HIVEP3: variants seen among roughly 807,000 people sequenced by gnomAD.
The protein encoded by HIVEP3 is transcription factor HIVEP3.
A neutral mutation model predicts 152.8 loss-of-function variants in HIVEP3; 49 were observed. The ratio of observed to expected loss-of-function variants is 0.32; its 90% CI spans 0.26 to 0.41. The LOEUF is 0.41. HIVEP3 is among the 10% of genes least tolerant of loss of function. The pLI is 1.00. For synonymous variants in HIVEP3, 1,269 were observed against 1,289.0 expected (o/e 0.98, Z 0.33); for missense variants, 2,790 against 3,103.3 (o/e 0.90, Z 2.40).
chr1:41,658,452 A>G lies in HIVEP3; in HGVS notation c.-720-29505T>C, dbSNP rs149920575. On this transcript the variant is annotated intron_variant, in intron 2 of 8. Coordinates refer to ENST00000372583, the MANE Select transcript of HIVEP3 (RefSeq NM_024503.5). ...CCTGGGCTGGGAAGACTAGGGACAC[A>G]GAAGCAGACAAAAAAAAGTCATGAT... Among the ~76,000 whole-genome samples the G allele has an allele frequency of 2.6e-5, 4 of 152,320 alleles. No individual in the cohort carries two copies. In the East Asian group the frequency reaches 7.7e-4, roughly 29 times the overall value.
At chr1:41,560,156 AC>A (rs1644036475) in intron 5 of HIVEP3, among the ~76,000 whole-genome samples, 1 of 152,272 alleles carries the variant, frequency 6.6e-6, no homozygotes, top group Admixed American at 6.5e-5. Flanking sequence ...TCAACTTTCT[AC>A]ATGCCAAGTA....
intron 1 of HIVEP3, among the ~76,000 whole-genome samples, chr1:41,717,072 G>A (rs1000896573): frequency 2.0e-5 from 3 of 152,170 alleles, no homozygotes; most frequent in Non-Finnish European, 4.4e-5. Context: ...CTGAGGGCAC[G>A]CAGTTGTGAC....
chr1:41,995,197 G>T (rs957579310), intron 1 of HIVEP3, among the ~76,000 whole-genome samples: 4 of 151,830 alleles, frequency 2.6e-5, no homozygotes, highest in Non-Finnish European at 5.9e-5. Context: ...CTAAGTGGAA[G>T]AAACCCACTC....
At chr1:41,981,605 A>G (rs1420932867) in intron 1 of HIVEP3, among the ~76,000 whole-genome samples, 2 of 152,178 alleles carry the variant, frequency 1.3e-5, no homozygotes, top group African/African-American at 4.8e-5. Context: ...TCCAAGGTAA[A>G]GTGGAGATTT....
chr1:41,915,954 A>G (rs1644864571), intron 1 of HIVEP3, among the ~76,000 whole-genome samples: 1 of 152,054 alleles, frequency 6.6e-6, no homozygotes, highest in African/African-American at 2.4e-5. Context: ...CATGTCAGGG[A>G]CTCCTTGATG....
At chr1:41,865,176 A>C (rs1352217715) in intron 1 of HIVEP3, among the ~76,000 whole-genome samples, 1 of 152,164 alleles carries the variant, frequency 6.6e-6, no homozygotes, top group Non-Finnish European at 1.5e-5. Flanking sequence ...GCCCTTCCTC[A>C]TATCATCGTT....
intron 1 of HIVEP3, among the ~76,000 whole-genome samples, chr1:41,928,060 C>CAA (rs10660316): frequency 0.41 from 35,334 of 86,178 alleles, 8,196 homozygotes; most frequent in East Asian, 0.64. Flanking sequence ...GACTCCATCT[C>CAA]AAAAAAAAAA....
chr1:41,593,978 C>G (rs1332964525), intron 3 of HIVEP3, among the ~76,000 whole-genome samples: 1 of 152,184 alleles, frequency 6.6e-6, no homozygotes, highest in Non-Finnish European at 1.5e-5. Context: ...TAACAGCCAG[C>G]CGCATCTTTC....
chr1:41,886,763 CT>C (rs1644354913), intron 1 of HIVEP3, among the ~76,000 whole-genome samples: 1 of 133,616 alleles, frequency 7.5e-6, no homozygotes, highest in Non-Finnish European at 1.6e-5. Flanking sequence ...GAAAAAAGAA[CT>C]ATACAGAGCC....
chr1:41,831,122 T>C (rs961168844), intron 1 of HIVEP3, among the ~76,000 whole-genome samples: 2 of 152,246 alleles, frequency 1.3e-5, no homozygotes, highest in African/African-American at 4.8e-5. Context: ...AATACCTTGC[T>C]ATACTGCTCA....
intron 1 of HIVEP3, among the ~76,000 whole-genome samples, chr1:41,814,967 T>C (rs1357840116): frequency 6.6e-6 from 1 of 152,188 alleles, no homozygotes; most frequent in Non-Finnish European, 1.5e-5. Context: ...TCAGGACAGA[T>C]AAGGTTCCTG....
intron 2 of HIVEP3, among the ~76,000 whole-genome samples, chr1:41,649,489 T>C (rs1158770591): frequency 6.6e-6 from 1 of 152,258 alleles, no homozygotes; most frequent in Non-Finnish European, 1.5e-5. Flanking sequence ...CACGAATCCT[T>C]GAACATCTGT....
At chr1:41,979,808 G>T (rs546987200) in intron 1 of HIVEP3, among the ~76,000 whole-genome samples, 1 of 152,318 alleles carries the variant, frequency 6.6e-6, no homozygotes, top group East Asian at 1.9e-4. Context: ...GGGAAAATTT[G>T]ATATTCTTCC....
chr1:41,935,362 A>C (rs1367302998), intron 1 of HIVEP3, among the ~76,000 whole-genome samples: 1 of 152,186 alleles, frequency 6.6e-6, no homozygotes, highest in Non-Finnish European at 1.5e-5. Flanking sequence ...AGATGATGTT[A>C]ATTATTTCCT....
intron 2 of HIVEP3, among the ~76,000 whole-genome samples, chr1:41,674,578 C>T (rs189880766): frequency 7.8e-4 from 119 of 152,316 alleles, no homozygotes; most frequent in Admixed American, 3.7e-3. Context: ...CCCAGGACCC[C>T]TCCGTAGAGT....
At chr1:41,575,519 G>A (rs760621982) in intron 5 of HIVEP3, 25 bp downstream of exon 5, 11 of 1,611,506 alleles carry the variant, frequency 6.8e-6, no homozygotes, top group East Asian at 2.2e-5. Context: ...GGAAGCAGAC[G>A]ATGGAAACCA....
At chr1:41,888,501 C>T (rs1052647415) in intron 1 of HIVEP3, among the ~76,000 whole-genome samples, 1 of 151,664 alleles carries the variant, frequency 6.6e-6, no homozygotes, top group African/African-American at 2.4e-5. Context: ...GAGGGACAGC[C>T]CAGCTGAGAA....
At chr1:41,728,869 A>G (rs1372492050) in intron 1 of HIVEP3, among the ~76,000 whole-genome samples, 1 of 152,124 alleles carries the variant, frequency 6.6e-6, no homozygotes, top group Non-Finnish European at 1.5e-5. Flanking sequence ...AGGGTCCCAG[A>G]GAGGTTTAGG....
At chr1:41,674,928 C>T (rs1303191216) in intron 2 of HIVEP3, among the ~76,000 whole-genome samples, 1 of 152,114 alleles carries the variant, frequency 6.6e-6, no homozygotes, top group Non-Finnish European at 1.5e-5. Context: ...CTCCCCTTTT[C>T]CCCCACACAG....
Sources: allele counts gnomAD v4.1 joint callset (sites outside exome capture counted in the v4.1 genomes callset), GRCh38; gene constraint gnomAD v4.1.1; transcripts MANE v1.5; gene names NCBI Gene and HGNC (gene_info 2026-07-23, HGNC 2026-07-21).